AOPEP: variants seen among roughly 807,000 people sequenced by gnomAD.
AOPEP encodes aminopeptidase O.
A neutral mutation model predicts 98.1 loss-of-function variants in AOPEP; 77 were observed. The ratio of observed to expected loss-of-function variants is 0.78; its 90% CI spans 0.65 to 0.95. The LOEUF (loss-of-function observed/expected upper bound fraction) is 0.95, where lower values mean the gene tolerates loss of function less well. AOPEP is among the 40% of genes least tolerant of loss of function. AOPEP has a pLI of 0.00. For synonymous variants in AOPEP, 346 were observed against 365.3 expected, an observed-to-expected ratio of 0.95 and a Z score of 0.60; for missense variants, 1,024 against 1,024.7, an observed-to-expected ratio of 1.00 and a Z score of 0.01.
intron 5 of AOPEP, chr9:94,824,629 C>T (rs963085158): frequency 6.6e-6 from 1 of 152,158 alleles, no homozygotes; most frequent in Non-Finnish European, 1.5e-5. Flanking sequence ...GAACCAGGAG[C>T]TCATGGCTCA....
chr9:94,859,578 G>A (rs574509268), intron 5 of AOPEP, among the ~76,000 whole-genome samples: 29 of 152,172 alleles, frequency 1.9e-4, no homozygotes, highest in Non-Finnish European at 3.2e-4. Context: ...ATTAGGATAT[G>A]AATATCTTTT....
intron 5 of AOPEP, among the ~76,000 whole-genome samples, chr9:94,881,794 T>A (rs1006082421): frequency 6.6e-6 from 1 of 152,190 alleles, no homozygotes; most frequent in African/African-American, 2.4e-5. Context: ...ACCAGTCAAT[T>A]TTTTTGTGTG....
At chr9:94,821,869 T>C (rs770051377) in intron 5 of AOPEP, among the ~76,000 whole-genome samples, 1 of 152,216 alleles carries the variant, frequency 6.6e-6, no homozygotes, top group Non-Finnish European at 1.5e-5. Flanking sequence ...GAAAATGTTC[T>C]TTACCAGCAT....
intron 13 of AOPEP, among the ~76,000 whole-genome samples, chr9:95,043,973 C>T (rs1319483085): frequency 6.6e-6 from 1 of 152,174 alleles, no homozygotes; most frequent in Non-Finnish European, 1.5e-5. Context: ...CTTGACCTTC[C>T]TGTGTTCTCT....
chr9:94,785,717 T>G (rs1275151543), intron 3 of AOPEP, among the ~76,000 whole-genome samples: 1 of 152,216 alleles, frequency 6.6e-6, no homozygotes, highest in East Asian at 1.9e-4. Context: ...GGAAAAACTC[T>G]GGGTTAATTC....
intron 14 of AOPEP, among the ~76,000 whole-genome samples, chr9:95,071,025 GAGCTGT>G (rs1181465517): frequency 6.6e-6 from 1 of 152,212 alleles, no homozygotes; most frequent in African/African-American, 2.4e-5. Flanking sequence ...GAAAGACAGT[GAGCTGT>G]AGTATATTAA....
intron 3 of AOPEP, 25 bp downstream of exon 3, chr9:94,773,193 A>G: frequency 1.3e-6 from 2 of 1,599,194 alleles, no homozygotes; most frequent in Non-Finnish European, 1.7e-6. Flanking sequence ...TTCTTTGCTT[A>G]TTTATGTATT....
chr9:95,035,812 C>T (rs942510058), intron 13 of AOPEP, among the ~76,000 whole-genome samples: 1 of 151,600 alleles, frequency 6.6e-6, no homozygotes, highest in Non-Finnish European at 1.5e-5. Context: ...TGAGCCACTG[C>T]GCCCAGCCCA....
intron 5 of AOPEP, among the ~76,000 whole-genome samples, chr9:94,829,015 C>T (rs1229927145): frequency 3.3e-5 from 5 of 151,640 alleles, no homozygotes; most frequent in South Asian, 2.1e-4. Flanking sequence ...ATTACAGGCG[C>T]GGGGCACCAC....
intron 11 of AOPEP, among the ~76,000 whole-genome samples, chr9:94,991,188 C>T (rs1044161058): frequency 2.0e-5 from 3 of 152,176 alleles, no homozygotes; most frequent in South Asian, 2.1e-4. Context: ...CCCTGCTGAC[C>T]GGGAAAGCCA....
chr9:94,981,679 G>C (rs550747689), intron 11 of AOPEP, among the ~76,000 whole-genome samples: 1 of 152,132 alleles, frequency 6.6e-6, no homozygotes, highest in Non-Finnish European at 1.5e-5. Flanking sequence ...CAGGAGGCTT[G>C]TGGTGAATGG....
chr9:94,946,064 C>T (rs2057587850), intron 7 of AOPEP, among the ~76,000 whole-genome samples: 1 of 152,154 alleles, frequency 6.6e-6, no homozygotes, highest in African/African-American at 2.4e-5. Flanking sequence ...GTGAAAAGTA[C>T]AGTCAAGGCC....
intron 11 of AOPEP, chr9:95,004,876 G>C (rs1209419434): frequency 6.8e-6 from 1 of 147,298 alleles, no homozygotes; most frequent in East Asian, 2.0e-4. Flanking sequence ...AGGGCGACCT[G>C]CGGGAGGCGG....
chr9:95,089,521 C>T (rs1393199794), downstream of AOPEP, among the ~76,000 whole-genome samples: 1 of 152,244 alleles, frequency 6.6e-6, no homozygotes, highest in Admixed American at 6.5e-5. Flanking sequence ...CAGAGCTTTC[C>T]TCCACGCCAC....
At chr9:94,867,798 C>T (rs2045878312) in intron 5 of AOPEP, among the ~76,000 whole-genome samples, 1 of 152,196 alleles carries the variant, frequency 6.6e-6, no homozygotes. Context: ...GGGAACATTT[C>T]TTGGTGAATA....
chr9:95,007,485 A>C (rs886832296), intron 13 of AOPEP, among the ~76,000 whole-genome samples: 1 of 152,262 alleles, frequency 6.6e-6, no homozygotes, highest in African/African-American at 2.4e-5. Flanking sequence ...CTTAGGGGGA[A>C]GATTTGCCTC....
At chr9:95,089,668 C>T (rs2070839370), downstream of AOPEP, among the ~76,000 whole-genome samples, 1 of 152,194 alleles carries the variant, frequency 6.6e-6, no homozygotes, top group Admixed American at 6.5e-5. Flanking sequence ...CTAATCCAGT[C>T]TGATGGAAGG....
chr9:95,087,905 G>A (rs1039668126), downstream of AOPEP, among the ~76,000 whole-genome samples: 1 of 152,218 alleles, frequency 6.6e-6, no homozygotes, highest in Non-Finnish European at 1.5e-5. Flanking sequence ...GCTCCAGGGG[G>A]CAGCACAAAT....
intron 13 of AOPEP, among the ~76,000 whole-genome samples, chr9:95,012,920 G>GT (rs775678092): frequency 0.029 from 1,719 of 59,738 alleles, 36 homozygotes; most frequent in African/African-American, 0.087. Context: ...TATTTATTTT[G>GT]TTTTTTTTTT....
Sources: gnomAD v4.1 joint callset for allele counts (sites outside exome capture counted in the v4.1 genomes callset) on GRCh38, gnomAD v4.1.1 for gene constraint, MANE v1.5 for transcripts, NCBI Gene and HGNC (gene_info 2026-07-23, HGNC 2026-07-21) for gene names.